ABHD2: variants seen among roughly 807,000 people sequenced by gnomAD.
ABHD2 encodes the protein abhydrolase domain containing 2, acylglycerol lipase.
In ABHD2, 20 loss-of-function variants were observed where a neutral mutation model predicts 48.1. The observed-to-expected ratio is 0.42, with a 90% CI of 0.29 to 0.60. ABHD2 has a LOEUF of 0.60. Among genes scored for constraint, ABHD2 ranks in the 20% least tolerant of loss-of-function variants. ABHD2 has a pLI of 0.24. For synonymous variants in ABHD2, 209 were observed against 214.2 expected (o/e 0.98, Z 0.21); for missense variants, 405 against 550.9 (o/e 0.74, Z 2.65).
chr15:89,175,599 C>A lies in ABHD2; in HGVS notation c.539-213C>A, dbSNP rs1467564422. Among the ~76,000 whole-genome samples the A allele has an allele frequency of 6.6e-6, 1 of 152,164 alleles. No homozygotes were observed. The highest frequency in any genetic ancestry group is 1.5e-5 in the Non-Finnish European group (1 of 68,022). On this transcript the variant is annotated intron_variant, in intron 5 of 10. Transcript: ENST00000352732. The surrounding 1 kb of genome is among the most constrained non-coding windows in gnomAD (Gnocchi z 5.7). Reference sequence around the variant, plus strand: ...GCTGAGGCCCTGTTTCCTCTTATCCCAAGGGGCATCTGGGAACTTCTGTCT... The same window carrying A: ...GCTGAGGCCCTGTTTCCTCTTATCCAAAGGGGCATCTGGGAACTTCTGTCT...
chr15:89,072,498 A>T, the ABHD2 span, among the ~76,000 whole-genome samples: 1 of 134,822 alleles, frequency 7.4e-6, no homozygotes, highest in African/African-American at 2.7e-5. Flanking sequence ...GAGGGGAAGG[A>T]GAAGGGGAAG....
In ABHD2 at chr15:89,175,287, C is replaced by T. The variant is rs1379505292; in HGVS notation, c.539-525C>T. On this transcript the variant is annotated intron_variant, in intron 5 of 10. Transcript: ENST00000352732. This position sits in a 1 kb window ranked among gnomAD's most constrained non-coding sequence, Gnocchi z 5.7. ...TCACCCAGGCTGGAGTGCAGTGATG[C>T]GATCTTGGCTCACTGTAGCCTCTGC... Among the ~76,000 whole-genome samples the T allele has an allele frequency of 1.3e-5, 2 of 152,084 alleles. No homozygotes were observed. The highest frequency in any genetic ancestry group is 6.6e-5 in the Admixed American group (1 of 15,262).
the ABHD2 span, among the ~76,000 whole-genome samples, chr15:89,059,688 G>A: frequency 1.6e-4 from 25 of 152,230 alleles, 1 homozygote; most frequent in Admixed American, 1.0e-3. Flanking sequence ...TGGTGGGTTC[G>A]AGGGCAGTAA....
chr15:89,131,347 C>A (rs531721584), intron 3 of ABHD2, among the ~76,000 whole-genome samples: 2 of 152,234 alleles, frequency 1.3e-5, no homozygotes, highest in African/African-American at 2.4e-5. Context: ...CTCCACACAG[C>A]CTCTTTATTT....
At chr15:89,069,088 T>G in the ABHD2 span, among the ~76,000 whole-genome samples, 1 of 150,126 alleles carries the variant, frequency 6.7e-6, no homozygotes, top group Non-Finnish European at 1.5e-5. Context: ...TGGAAAACAG[T>G]CTGGCAAGCT....
chr15:89,148,670 G>A (rs532900571), intron 3 of ABHD2, among the ~76,000 whole-genome samples: 1 of 152,308 alleles, frequency 6.6e-6, no homozygotes, highest in East Asian at 1.9e-4. Flanking sequence ...GCCTAAATTG[G>A]CATGGCAGTC....
chr15:89,072,154 C>T, the ABHD2 span, among the ~76,000 whole-genome samples: 13 of 152,128 alleles, frequency 8.5e-5, no homozygotes, highest in Non-Finnish European at 1.3e-4. Flanking sequence ...AGATAGCTGA[C>T]CTCGATGGAT....
At chr15:89,149,504 G>A (rs2050556502) in intron 3 of ABHD2, among the ~76,000 whole-genome samples, 1 of 152,196 alleles carries the variant, frequency 6.6e-6, no homozygotes, top group African/African-American at 2.4e-5. Context: ...AGCTAGAGGT[G>A]AATGAGCAGC....
At position 89,185,347 on chromosome 15, in the gene ABHD2, C is replaced by T; in HGVS notation, c.723-77C>T. 2 of 1,156,720 alleles carry T rather than the reference C, an allele frequency of 1.7e-6. No individual in the cohort carries two copies. The highest frequency in any genetic ancestry group is 2.6e-6 in the Non-Finnish European group (2 of 775,518). The allele number at this position is 1,156,720 out of a possible 1,614,324, so 71.7% of individuals were successfully genotyped here. ...CCCTCTCCACACAAGCACCTCACCC[C>T]ATGGCTAGAGCCCCCTCCTGGCTGC... On this transcript the variant is annotated intron_variant, in intron 6 of 10. Coordinates refer to ENST00000352732, the MANE Select transcript of ABHD2 (RefSeq NM_152924.5). The surrounding 1 kb of genome is among the most constrained non-coding windows in gnomAD (Gnocchi z 5.9).
At chr15:89,056,597 C>T in the ABHD2 span, among the ~76,000 whole-genome samples, 1 of 151,896 alleles carries the variant, frequency 6.6e-6, no homozygotes, top group Non-Finnish European at 1.5e-5. Context: ...GAGCCGAGTT[C>T]GCACCACTGC....
chr15:89,193,529 A>G, intron 10 of ABHD2: 1 of 594,416 alleles, frequency 1.7e-6, no homozygotes, highest in Non-Finnish European at 3.0e-6. Context: ...CTCCCAGGGC[A>G]TGAGACAGGA....
intron 3 of ABHD2, among the ~76,000 whole-genome samples, chr15:89,135,198 T>C (rs2050287232): frequency 6.9e-6 from 1 of 144,428 alleles, no homozygotes. Context: ...CAACAGTCAT[T>C]TTATATAAGC....
chr15:89,058,088 A>G, the ABHD2 span, among the ~76,000 whole-genome samples: 1 of 152,198 alleles, frequency 6.6e-6, no homozygotes, highest in African/African-American at 2.4e-5. Context: ...ATAAACCCTT[A>G]AATGAAGTAT....
At chr15:89,064,988 C>T in the ABHD2 span, among the ~76,000 whole-genome samples, 2 of 152,082 alleles carry the variant, frequency 1.3e-5, no homozygotes, top group Non-Finnish European at 2.9e-5. Context: ...TTTGTGTTAA[C>T]CATTCCCATG....
the ABHD2 span, among the ~76,000 whole-genome samples, chr15:89,044,808 C>T: frequency 2.0e-4 from 30 of 152,044 alleles, no homozygotes; most frequent in African/African-American, 7.0e-4. Context: ...ATATTAGCCC[C>T]TTGTCAGATG....
In ABHD2 at chr15:89,116,430, C is replaced by T; in HGVS notation, c.103C>T (p.Leu35=). ...VLYVIVRCLN[L]KSPTAPPDLY... The stretch of plus-strand genomic sequence containing the variant: ...GTACGTGATCGTCCGGTGTTTGAAC[C>T]TGAAGAGCCCCACAGCCCCACCTGA... Residue 35 remains leucine (L), a synonymous_variant, in exon 3 of 11, where the codon CTG becomes TTG. Coordinates refer to ENST00000352732, the MANE Select transcript of ABHD2 (RefSeq NM_152924.5). This position sits in a 1 kb window ranked among gnomAD's most constrained non-coding sequence, Gnocchi z 4.6. 1 of 1,614,208 alleles carries T rather than the reference C, an allele frequency of 6.2e-7. No homozygotes were observed. Among genetic ancestry groups the T allele is most frequent in the Non-Finnish European group, 8.5e-7 (1 of 1,180,048 alleles).
At chr15:89,117,627 G>A (rs1201296874) in intron 3 of ABHD2, among the ~76,000 whole-genome samples, 1 of 152,186 alleles carries the variant, frequency 6.6e-6, no homozygotes, top group Non-Finnish European at 1.5e-5. Context: ...TACTCAGAGA[G>A]ATGTCTTCCT....
intron 3 of ABHD2, among the ~76,000 whole-genome samples, chr15:89,131,112 C>G (rs189470289): frequency 6.6e-6 from 1 of 152,280 alleles, no homozygotes; most frequent in South Asian, 2.1e-4. Context: ...TGCAGGCCAC[C>G]AAATTATCTT....
intron 10 of ABHD2, among the ~76,000 whole-genome samples, chr15:89,193,936 A>G (rs981632510): frequency 2.6e-4 from 40 of 151,524 alleles, no homozygotes; most frequent in Non-Finnish European, 4.6e-4. Context: ...AAAAAAAAAA[A>G]AAGAATTAGC....
Sources: gnomAD v4.1 joint callset for allele counts (sites outside exome capture counted in the v4.1 genomes callset) on GRCh38, gnomAD v4.1.1 for gene constraint, Gnocchi (gnomAD v3.1) non-coding constraint, MANE v1.5 for transcripts, NCBI Gene and HGNC (gene_info 2026-07-23, HGNC 2026-07-21) for gene names.